Variants in GRIK2 observed in about 807,000 individuals in gnomAD.
The protein encoded by GRIK2 is glutamate ionotropic receptor kainate type subunit 2.
In GRIK2, 32 loss-of-function variants were observed where a neutral mutation model predicts 100.3. The ratio of observed to expected loss-of-function variants is 0.32; its 90% confidence interval spans 0.24 to 0.43. The LOEUF is 0.43. GRIK2 is among the 20% of genes least tolerant of loss of function. GRIK2 has a pLI of 1.00. For synonymous variants in GRIK2, 417 were observed against 389.4 expected (o/e 1.07, Z -0.83); for missense variants, 843 against 1,114.9 (o/e 0.76, Z 3.47).
At chr6:101,482,760 G>A (rs963020910) in intron 2 of GRIK2, among the ~76,000 whole-genome samples, 1 of 152,016 alleles carries the variant, frequency 6.6e-6, no homozygotes, top group Non-Finnish European at 1.5e-5. Context: ...AAGAAGTAAC[G>A]AATGAGATCA....
intron 4 of GRIK2, among the ~76,000 whole-genome samples, chr6:101,627,921 T>C (rs1351111350): frequency 6.6e-6 from 1 of 152,184 alleles, no homozygotes; most frequent in Non-Finnish European, 1.5e-5. Flanking sequence ...GAAATTTTAA[T>C]TTTCATTGAA....
At chr6:101,738,525 A>G (rs978201772) in intron 7 of GRIK2, among the ~76,000 whole-genome samples, 7 of 152,100 alleles carry the variant, frequency 4.6e-5, no homozygotes, top group African/African-American at 1.7e-4. Flanking sequence ...CCCTATCTTC[A>G]CAGCTTTTTT....
At chr6:102,034,816 G>C (rs1026305220) in intron 14 of GRIK2, among the ~76,000 whole-genome samples, 1 of 151,268 alleles carries the variant, frequency 6.6e-6, no homozygotes, top group Non-Finnish European at 1.5e-5. Flanking sequence ...CATTCTGCTC[G>C]TCTCTTCAAC....
intron 14 of GRIK2, among the ~76,000 whole-genome samples, chr6:101,986,842 T>A (rs972488310): frequency 6.6e-6 from 1 of 151,814 alleles, no homozygotes; most frequent in Admixed American, 6.6e-5. Context: ...TAAAAGCTAA[T>A]CTTAGTTTTA....
intron 7 of GRIK2, among the ~76,000 whole-genome samples, chr6:101,715,095 A>G (rs987492519): frequency 4.0e-5 from 6 of 151,828 alleles, no homozygotes; most frequent in Non-Finnish European, 8.8e-5. Flanking sequence ...CTTTGCCTGA[A>G]GTGTTATAAG....
At chr6:101,942,103 A>G (rs1790992398) in intron 14 of GRIK2, among the ~76,000 whole-genome samples, 1 of 152,190 alleles carries the variant, frequency 6.6e-6, no homozygotes, top group South Asian at 2.1e-4. Flanking sequence ...TAGGTTAAAA[A>G]AAAACACAGA....
At chr6:101,987,548 A>G (rs1458034435) in intron 14 of GRIK2, among the ~76,000 whole-genome samples, 1 of 151,354 alleles carries the variant, frequency 6.6e-6, no homozygotes, top group Non-Finnish European at 1.5e-5. Context: ...ATATAGGATT[A>G]ATTAAATATA....
At chr6:101,895,263 C>G (rs975026795) in intron 12 of GRIK2, among the ~76,000 whole-genome samples, 2 of 151,542 alleles carry the variant, frequency 1.3e-5, no homozygotes, top group Non-Finnish European at 3.0e-5. Context: ...TTGTGCATTT[C>G]TGTATATAAT....
chr6:101,844,295 C>T lies in GRIK2; in HGVS notation c.1318-14992C>T, dbSNP rs147524811. On this transcript the variant is annotated intron_variant, in intron 10 of 16. Transcript: ENST00000369134. ...AAATTATCTTATTTACACTATTACT[C>T]ATTAAACTTTCAGAGTTGAGGAAAA... Among the ~76,000 whole-genome samples, 565 of 152,184 alleles carry T rather than the reference C, an allele frequency of 3.7e-3. 7 individuals are homozygous for T. The highest frequency in any genetic ancestry group is 0.013 in the African/African-American group (544 of 41,544).
intron 7 of GRIK2, among the ~76,000 whole-genome samples, chr6:101,720,781 AT>A (rs1198873473): frequency 2.0e-5 from 3 of 152,054 alleles, no homozygotes; most frequent in African/African-American, 7.2e-5. Context: ...TACTAAAAAA[AT>A]AAAATAAAAT....
At chr6:101,644,622 C>T (rs1408130035) in intron 4 of GRIK2, among the ~76,000 whole-genome samples, 3 of 151,750 alleles carry the variant, frequency 2.0e-5, no homozygotes, top group Middle Eastern at 3.4e-3. Context: ...TTGATTTAGG[C>T]CTCATAATGC....
chr6:101,398,303 G>A (rs1374825858), intron 1 of GRIK2, among the ~76,000 whole-genome samples: 1 of 152,094 alleles, frequency 6.6e-6, no homozygotes, highest in Non-Finnish European at 1.5e-5. Context: ...CTTAAAAAAT[G>A]GGTGGAAAAT....
At chr6:101,890,247 A>C (rs2128457436) in intron 12 of GRIK2, 1 of 158,124 alleles carries the variant, frequency 6.3e-6, no homozygotes, top group South Asian at 2.0e-4. Flanking sequence ...AAAGTACTAA[A>C]ATTTAAAAGG....
chr6:101,576,635 A>G (rs879268595), intron 2 of GRIK2, among the ~76,000 whole-genome samples: 2 of 152,038 alleles, frequency 1.3e-5, no homozygotes, highest in Non-Finnish European at 2.9e-5. Flanking sequence ...GAATTTTTAT[A>G]TTGGTTTTCA....
At chr6:101,772,864 GT>G (rs766972153) in intron 7 of GRIK2, among the ~76,000 whole-genome samples, 19 of 151,886 alleles carry the variant, frequency 1.3e-4, no homozygotes, top group Non-Finnish European at 2.8e-4. Context: ...TAAAATTTTG[GT>G]TTACTTGTTT....
intron 2 of GRIK2, among the ~76,000 whole-genome samples, chr6:101,521,259 C>A (rs995260299): frequency 6.6e-6 from 1 of 150,856 alleles, no homozygotes; most frequent in African/African-American, 2.4e-5. Context: ...TATAGTAAAC[C>A]TTAATGTGCT....
chr6:101,809,054 T>G, intron 9 of GRIK2, among the ~76,000 whole-genome samples: 1 of 151,794 alleles, frequency 6.6e-6, no homozygotes, highest in Non-Finnish European at 1.5e-5. Context: ...ATATTGCACA[T>G]TTACACACCT....
chr6:101,753,232 G>A (rs557641674), intron 7 of GRIK2, among the ~76,000 whole-genome samples: 108 of 146,028 alleles, frequency 7.4e-4, no homozygotes, highest in African/African-American at 2.5e-3. Flanking sequence ...GCAGTAAGCC[G>A]AGATCTTGCC....
chr6:101,978,892 T>C (rs1793555709), intron 14 of GRIK2, among the ~76,000 whole-genome samples: 1 of 151,992 alleles, frequency 6.6e-6, no homozygotes, highest in African/African-American at 2.4e-5. Flanking sequence ...CCCCAGTTTC[T>C]AATACTACTT....
Sources: allele counts gnomAD v4.1 joint callset (sites outside exome capture counted in the v4.1 genomes callset), GRCh38; gene constraint gnomAD v4.1.1; transcripts MANE v1.5; gene names NCBI Gene and HGNC (gene_info 2026-07-23, HGNC 2026-07-21).